The following DTD1 variants were observed in gnomAD, a reference collection of about 807,000 sequenced individuals.
DTD1 encodes the protein D-tyrosyl-tRNA deacylase 1 homolog.
DTD1 carries 13 observed loss-of-function variants against 25.6 expected under a neutral mutation model. That is an observed-to-expected ratio of 0.51 (90% CI 0.33 to 0.81). DTD1 has a LOEUF of 0.81. Ranked by LOEUF, DTD1 falls within the 30% of genes least tolerant of loss-of-function variation. DTD1 has a pLI of 0.02. For synonymous variants in DTD1, 110 were observed against 103.6 expected, an observed-to-expected ratio of 1.06 and a Z score of -0.37; for missense variants, 193 against 266.4, an observed-to-expected ratio of 0.72 and a Z score of 1.92.
chr20:18,739,357 C>G (rs1253867278), intron 4 of DTD1, among the ~76,000 whole-genome samples: 2 of 152,160 alleles, frequency 1.3e-5, no homozygotes, highest in Non-Finnish European at 2.9e-5. Flanking sequence ...ATATTCCAGT[C>G]CCCCCTCTTT....
chr20:18,765,166 A>T lies in DTD1; in HGVS notation c.*1826A>T, dbSNP rs970634938. 1 of 152,252 alleles carries T rather than the reference A, an allele frequency of 6.6e-6. No individual in the cohort carries two copies. The highest frequency in any genetic ancestry group is 2.4e-5 in the African/African-American group (1 of 41,446). The allele number at this position is 152,252 out of a possible 1,614,324, so 9.4% of individuals were successfully genotyped here. On this transcript the variant is annotated 3_prime_UTR_variant, in exon 6 of 6. Transcript: ENST00000377452. ...GTGGTCAAGTTGCTGAAGGGTCTGA[A>T]ACCGTAAAGGAAGAGCTGAAGGAGC...
chr20:18,616,476 A>G lies in DTD1; in HGVS notation c.371-11651A>G, dbSNP rs568629946. 6.6e-5 allele frequency among the ~76,000 whole-genome samples: 10 copies of G among 152,068 alleles called. No homozygotes were observed. The South Asian group carries it at 2.1e-3, about 32-fold the overall frequency. ...TGCCAGTTCTCCCTTCCCCTACCTAAAATAACCATGGCCACCCTAAAAGCA... is the reference window on the plus strand; with the variant it reads ...TGCCAGTTCTCCCTTCCCCTACCTAGAATAACCATGGCCACCCTAAAAGCA... On this transcript the variant is annotated intron_variant, in intron 3 of 5. Transcript: ENST00000377452.
chr20:18,758,122 C>T (rs576338845), intron 5 of DTD1, among the ~76,000 whole-genome samples: 1 of 148,224 alleles, frequency 6.7e-6, no homozygotes, highest in East Asian at 1.9e-4. Flanking sequence ...GTGATATCCC[C>T]TTTATCATTT....
chr20:18,633,522 G>T (rs1037104210), intron 4 of DTD1, among the ~76,000 whole-genome samples: 4 of 152,176 alleles, frequency 2.6e-5, no homozygotes, highest in African/African-American at 4.8e-5. Context: ...GTCCAGGGAG[G>T]TGTGTGTGGG....
intron 3 of DTD1, among the ~76,000 whole-genome samples, chr20:18,624,145 G>A (rs1334536141): frequency 6.6e-6 from 1 of 152,072 alleles, no homozygotes; most frequent in Admixed American, 6.6e-5. Context: ...TCAGAACCCT[G>A]CCATGAAGCC....
At chr20:18,746,407 G>A (rs1437086472) in intron 5 of DTD1, among the ~76,000 whole-genome samples, 1 of 152,134 alleles carries the variant, frequency 6.6e-6, no homozygotes, top group East Asian at 1.9e-4. Flanking sequence ...CAGGAAGTGA[G>A]ATATATTAGG....
At chr20:18,740,472 G>C (rs2061273411) in intron 4 of DTD1, among the ~76,000 whole-genome samples, 3 of 152,096 alleles carry the variant, frequency 2.0e-5, no homozygotes, top group Admixed American at 2.0e-4. Flanking sequence ...CTACACACAA[G>C]TAAGACATAC....
intron 4 of DTD1, among the ~76,000 whole-genome samples, chr20:18,685,558 G>C (rs2061013433): frequency 6.6e-6 from 1 of 152,200 alleles, no homozygotes; most frequent in Non-Finnish European, 1.5e-5. Flanking sequence ...TCCAGCTTCA[G>C]TGGCTCCATG....
chr20:18,656,911 C>T (rs6081280), intron 4 of DTD1, among the ~76,000 whole-genome samples: 126,244 of 152,172 alleles, frequency 0.83, 53,460 homozygotes, highest in Non-Finnish European at 0.93. Context: ...AAATAAATTC[C>T]AGTTTTTAAA....
intron 4 of DTD1, among the ~76,000 whole-genome samples, chr20:18,739,754 A>G (rs4553884): frequency 0.31 from 47,635 of 151,966 alleles, 7,997 homozygotes; most frequent in Non-Finnish European, 0.38. Flanking sequence ...CTTAAAAAAA[A>G]AAATCCAGCT....
At chr20:18,696,245 C>T (rs1331795050) in intron 4 of DTD1, among the ~76,000 whole-genome samples, 1 of 152,048 alleles carries the variant, frequency 6.6e-6, no homozygotes. Flanking sequence ...CGTATTCCCC[C>T]ACCTCTCAGA....
chr20:18,732,358 C>T (rs6045573), intron 4 of DTD1, among the ~76,000 whole-genome samples: 21,839 of 152,100 alleles, frequency 0.14, 1,648 homozygotes, highest in Admixed American at 0.2. Flanking sequence ...TGATTATTAA[C>T]CAGACATGTG....
At chr20:18,618,732 G>A (rs916282755) in intron 3 of DTD1, among the ~76,000 whole-genome samples, 7 of 138,046 alleles carry the variant, frequency 5.1e-5, no homozygotes, top group Non-Finnish European at 9.3e-5. Context: ...TTTTTTTTGA[G>A]ATGGAGTTTT....
intron 4 of DTD1, among the ~76,000 whole-genome samples, chr20:18,681,623 C>T (rs950030510): frequency 9.2e-5 from 14 of 152,190 alleles, no homozygotes; most frequent in Admixed American, 5.9e-4. Flanking sequence ...AAAATGTTTC[C>T]AGTGTTGAGA....
chr20:18,706,209 A>C (rs981457809), intron 4 of DTD1, among the ~76,000 whole-genome samples: 6 of 152,172 alleles, frequency 3.9e-5, no homozygotes, highest in Admixed American at 6.5e-5. Context: ...TCTCTATGTC[A>C]GGGGCTACAC....
intron 4 of DTD1, among the ~76,000 whole-genome samples, chr20:18,708,250 TA>T (rs2061138490): frequency 3.6e-5 from 1 of 27,906 alleles, no homozygotes; most frequent in East Asian, 1.4e-3. Flanking sequence ...ATATAATATA[TA>T]TTATATATAT....
chr20:18,761,040 C>T (rs1355485418), intron 5 of DTD1, among the ~76,000 whole-genome samples: 11 of 152,168 alleles, frequency 7.2e-5, no homozygotes, highest in South Asian at 6.2e-4. Context: ...GAGCCATGCG[C>T]GGGATATAAT....
chr20:18,708,944 CAAATA>C (rs2061147330), intron 4 of DTD1, among the ~76,000 whole-genome samples: 2 of 152,174 alleles, frequency 1.3e-5, no homozygotes, highest in Non-Finnish European at 2.9e-5. Flanking sequence ...GTTTGCAGTG[CAAATA>C]CAGCTTCAAG....
intron 4 of DTD1, among the ~76,000 whole-genome samples, chr20:18,688,173 T>C (rs930667993): frequency 6.6e-6 from 1 of 152,242 alleles, no homozygotes; most frequent in African/African-American, 2.4e-5. Flanking sequence ...AGAAGATGTT[T>C]ATTCATTCAC....
Sources: allele counts gnomAD v4.1 joint callset (sites outside exome capture counted in the v4.1 genomes callset), GRCh38; gene constraint gnomAD v4.1.1; transcripts MANE v1.5; gene names NCBI Gene and HGNC (gene_info 2026-07-23, HGNC 2026-07-21).